STX17: variants seen among roughly 807,000 people sequenced by gnomAD.
The protein encoded by STX17 is syntaxin-17.
Under a neutral mutation model 35.9 loss-of-function variants are expected in STX17, and 29 were observed. That is an observed-to-expected ratio of 0.81 (90% confidence interval 0.60 to 1.10). The LOEUF is 1.10. STX17 is among the 50% of genes least tolerant of loss of function. The pLI is 0.00. For missense variants in STX17, 312 were observed against 352.3 expected (o/e 0.89, Z 0.92); for synonymous variants, 92 against 118.3 (o/e 0.78, Z 1.44).
chr9:99,957,446 T>G (rs7027619), intron 4 of STX17, among the ~76,000 whole-genome samples: 104,656 of 151,878 alleles, frequency 0.69, 36,335 homozygotes, highest in African/African-American at 0.72. Context: ...TTTTTATCTC[T>G]GGCACCCTAA....
At chr9:99,925,370 T>C (rs1015101025) in intron 2 of STX17, among the ~76,000 whole-genome samples, 4 of 152,170 alleles carry the variant, frequency 2.6e-5, no homozygotes, top group Non-Finnish European at 5.9e-5. Flanking sequence ...TAAATTGTGT[T>C]ATTTTTCAAA....
intron 6 of STX17, among the ~76,000 whole-genome samples, chr9:99,961,580 T>A (rs1009653619): frequency 8.5e-5 from 13 of 152,182 alleles, no homozygotes; most frequent in Non-Finnish European, 1.5e-4. Flanking sequence ...GATGTATGAA[T>A]ACGTGTGTAT....
chr9:99,930,797 A>G (rs148109705), intron 3 of STX17, among the ~76,000 whole-genome samples: 57 of 152,304 alleles, frequency 3.7e-4, no homozygotes, highest in African/African-American at 1.3e-3. Flanking sequence ...TTGGAGATAA[A>G]TATAAGTAAT....
chr9:99,938,219 C>A (rs1829277858), intron 3 of STX17: 1 of 152,240 alleles, frequency 6.6e-6, no homozygotes, highest in Non-Finnish European at 1.5e-5. Flanking sequence ...TATCACTGAT[C>A]CCTCTGCATA....
chr9:99,953,390 G>A (rs984060482), intron 4 of STX17, among the ~76,000 whole-genome samples: 4 of 152,062 alleles, frequency 2.6e-5, no homozygotes, highest in Non-Finnish European at 5.9e-5. Context: ...TCACTCTGTG[G>A]ATAACCAGTA....
chr9:99,926,049 T>G (rs1282080126), intron 2 of STX17, among the ~76,000 whole-genome samples: 1 of 152,092 alleles, frequency 6.6e-6, no homozygotes, highest in Non-Finnish European at 1.5e-5. Flanking sequence ...TTGGATAGTT[T>G]CTATTGCTGT....
At chr9:99,951,682 C>T (rs548741675) in intron 4 of STX17, among the ~76,000 whole-genome samples, 2 of 151,938 alleles carry the variant, frequency 1.3e-5, no homozygotes, top group East Asian at 1.9e-4. Flanking sequence ...ATCTATCTTT[C>T]AGCCAAGTTC....
rs553925349 is a variant in STX17, at chr9:99,961,343, G to A, written c.582+1188G>A. Reference sequence around the variant, plus strand: ...TTCACCTGGAGCAATGGCAATACCAGTGTAAAGGTAAAGGACAGCTGAGAG... The same window carrying A: ...TTCACCTGGAGCAATGGCAATACCAATGTAAAGGTAAAGGACAGCTGAGAG... On this transcript the variant is annotated intron_variant, in intron 6 of 7. Coordinates refer to ENST00000259400, the MANE Select transcript of STX17 (RefSeq NM_017919.3). 5.6e-4 allele frequency among the ~76,000 whole-genome samples: 86 copies of A among 152,318 alleles called. 1 individual carries two copies. Among genetic ancestry groups the A allele is most frequent in the Non-Finnish European group, 1.1e-3 (75 of 68,034 alleles).
intron 2 of STX17, among the ~76,000 whole-genome samples, chr9:99,928,137 T>C (rs1253462702): frequency 2.0e-5 from 3 of 152,178 alleles, no homozygotes; most frequent in African/African-American, 7.2e-5. Flanking sequence ...TTGGTGTTGA[T>C]GTTTATATTC....
At chr9:99,964,081 A>G (rs1829873511) in intron 6 of STX17, among the ~76,000 whole-genome samples, 1 of 152,164 alleles carries the variant, frequency 6.6e-6, no homozygotes, top group African/African-American at 2.4e-5. Context: ...TACAACTACT[A>G]TCAGAACTCT....
chr9:99,965,713 A>G (rs951997095), intron 6 of STX17, among the ~76,000 whole-genome samples: 4 of 152,248 alleles, frequency 2.6e-5, no homozygotes, highest in Admixed American at 2.0e-4. Flanking sequence ...GATTGAATGA[A>G]TGCTAAAAGA....
chr9:99,939,463 C>T (rs1031041204), intron 3 of STX17, among the ~76,000 whole-genome samples: 1 of 152,138 alleles, frequency 6.6e-6, no homozygotes, highest in Non-Finnish European at 1.5e-5. Flanking sequence ...GTAAGACACA[C>T]TATTATTTTG....
intron 1 of STX17, among the ~76,000 whole-genome samples, chr9:99,907,753 A>T (rs1206731685): frequency 6.6e-6 from 1 of 152,218 alleles, no homozygotes; most frequent in African/African-American, 2.4e-5. Flanking sequence ...TTTACATACC[A>T]TAGCGCAATT....
chr9:99,953,521 T>C (rs974858076), intron 4 of STX17, among the ~76,000 whole-genome samples: 4 of 152,078 alleles, frequency 2.6e-5, no homozygotes, highest in African/African-American at 7.2e-5. Flanking sequence ...TCTATAGTTA[T>C]TGCTGCCATA....
In STX17 at chr9:99,927,731, C is replaced by A. The variant is rs1286930980; in HGVS notation, c.124-1047C>A. ...ACCTCAGGTGATCCACCTGCCCCAG[C>A]CTCCCAAAGTGCTGGGATTATGGGC... On this transcript the variant is annotated intron_variant, in intron 2 of 7. Coordinates refer to ENST00000259400, the MANE Select transcript of STX17 (RefSeq NM_017919.3). Among the ~76,000 whole-genome samples, 6 of 152,190 alleles carry A rather than the reference C, an allele frequency of 3.9e-5. No homozygotes were observed. In the East Asian group the frequency reaches 1.2e-3, roughly 29 times the overall value.
In STX17 at chr9:99,928,906, C is replaced by G; in HGVS notation, c.189+63C>G. The G allele has an allele frequency of 5.5e-6, 8 of 1,467,338 alleles. No homozygotes were observed. The South Asian group carries it at 9.4e-5, about 17-fold the overall frequency. 90.9% of individuals were successfully genotyped at this position (1,467,338 alleles called of 1,614,324 possible). Reference sequence around the variant, plus strand: ...AAAAGACAGTCTTAAGACAATTTTGCTAAAATATTACCTTTGCAGCTGAAC... The same window carrying G: ...AAAAGACAGTCTTAAGACAATTTTGGTAAAATATTACCTTTGCAGCTGAAC... On this transcript the variant is annotated intron_variant, in intron 3 of 7. Transcript: ENST00000259400.
intron 3 of STX17, among the ~76,000 whole-genome samples, chr9:99,931,271 G>A (rs986486029): frequency 2.0e-5 from 3 of 152,088 alleles, no homozygotes; most frequent in African/African-American, 4.8e-5. Flanking sequence ...GAGCTACTGC[G>A]CCCAGCTGAT....
intron 1 of STX17, among the ~76,000 whole-genome samples, chr9:99,911,545 G>A (rs1056323317): frequency 7.9e-5 from 12 of 152,042 alleles, no homozygotes; most frequent in African/African-American, 2.9e-4. Context: ...TGGATCATAT[G>A]GTAGTTTTAT....
In STX17 at chr9:99,912,906, T is replaced by C. The variant is rs575781478; in HGVS notation, c.-62-2272T>C. ...TTTATTTTCTTTATTGTTGAAATAT[T>C]CCTTTAAGTACTTTTAATGAGGGGC... On this transcript the variant is annotated intron_variant, in intron 1 of 7. Transcript: ENST00000259400. Among the ~76,000 whole-genome samples, 11 of 152,306 alleles carry C rather than the reference T, an allele frequency of 7.2e-5. No individual in the cohort carries two copies. In the South Asian group the frequency reaches 1.2e-3, roughly 17 times the overall value.
Sources: gnomAD v4.1 joint callset for allele counts (sites outside exome capture counted in the v4.1 genomes callset) on GRCh38, gnomAD v4.1.1 for gene constraint, MANE v1.5 for transcripts, NCBI Gene and HGNC (gene_info 2026-07-23, HGNC 2026-07-21) for gene names.